VAV3: variants seen among roughly 807,000 people sequenced by gnomAD.
VAV3 encodes the protein vav guanine nucleotide exchange factor 3, also known as guanine nucleotide exchange factor VAV3.
Under a neutral mutation model 131.2 loss-of-function variants are expected in VAV3, and 94 were observed. The ratio of observed to expected loss-of-function variants is 0.72; its 90% CI spans 0.61 to 0.85. The LOEUF (loss-of-function observed/expected upper bound fraction) is 0.85, where lower values mean the gene tolerates loss of function less well. Ranked by LOEUF, VAV3 falls within the 40% of genes least tolerant of loss-of-function variation. The probability of loss-of-function intolerance (pLI) is 0.00; values close to 1 mark genes in which losing one functional copy is unlikely to be tolerated. For missense variants in VAV3, 939 were observed against 1,002.7 expected (o/e 0.94, Z 0.86); for synonymous variants, 349 against 342.0 (o/e 1.02, Z -0.22).
chr1:107,937,112 A>G (rs532853220), intron 1 of VAV3, among the ~76,000 whole-genome samples: 5 of 152,308 alleles, frequency 3.3e-5, no homozygotes, highest in African/African-American at 1.2e-4. Flanking sequence ...AAACAGCTCC[A>G]TCATTCACAC....
chr1:107,717,153 A>G (rs6662886), intron 15 of VAV3, among the ~76,000 whole-genome samples: 15,878 of 151,908 alleles, frequency 0.1, 977 homozygotes, highest in East Asian at 0.25. Context: ...TCTTGCTAGC[A>G]GTCTATCTAT....
At chr1:107,798,700 C>G (rs1465934572) in intron 2 of VAV3, among the ~76,000 whole-genome samples, 1 of 95,478 alleles carries the variant, frequency 1.0e-5, no homozygotes, top group African/African-American at 4.2e-5. Context: ...GCCTGGGCAA[C>G]ATAGCAAGAC....
intron 15 of VAV3, among the ~76,000 whole-genome samples, chr1:107,720,441 T>C (rs7515601): frequency 0.25 from 27,382 of 108,898 alleles, 2,937 homozygotes; most frequent in East Asian, 0.41. Context: ...AAGTTCCATC[T>C]GTTAATATTG....
chr1:107,643,102 T>C (rs1002294943), intron 19 of VAV3, among the ~76,000 whole-genome samples: 2 of 152,180 alleles, frequency 1.3e-5, no homozygotes, highest in African/African-American at 4.8e-5. Flanking sequence ...TCATCAACTC[T>C]ATCCTTTCTG....
In VAV3 at chr1:107,641,654, G is replaced by A. The variant is rs1655348389; in HGVS notation, c.1914+965C>T. Among the ~76,000 whole-genome samples, 4 of 152,134 alleles carry A rather than the reference G, an allele frequency of 2.6e-5. No individual in the cohort carries two copies. In the South Asian group the frequency reaches 6.2e-4, roughly 24 times the overall value. Reference sequence around the variant, plus strand: ...ATAGATTTTATGAATAATGCCCAGAGCACCTCTGAGAACTCCAGGTATTAC... The same window carrying A: ...ATAGATTTTATGAATAATGCCCAGAACACCTCTGAGAACTCCAGGTATTAC... On this transcript the variant is annotated intron_variant, in intron 20 of 26. Transcript: ENST00000370056.
chr1:107,691,518 T>G (rs1232712584), intron 17 of VAV3, among the ~76,000 whole-genome samples: 2 of 152,196 alleles, frequency 1.3e-5, no homozygotes, highest in African/African-American at 4.8e-5. Flanking sequence ...GGCTGCTGGT[T>G]GAGATGGGAT....
intron 25 of VAV3, among the ~76,000 whole-genome samples, chr1:107,577,082 T>C (rs1212653933): frequency 6.6e-6 from 1 of 152,260 alleles, no homozygotes; most frequent in Non-Finnish European, 1.5e-5. Flanking sequence ...CTATGGATGC[T>C]CTAAAACTTT....
intron 1 of VAV3, among the ~76,000 whole-genome samples, chr1:107,960,960 T>C (rs1164418481): frequency 6.6e-6 from 1 of 151,290 alleles, no homozygotes; most frequent in Non-Finnish European, 1.5e-5. Flanking sequence ...AATATAAATA[T>C]ATAAATAAAT....
At chr1:107,661,111 CT>C (rs779124099) in intron 19 of VAV3, among the ~76,000 whole-genome samples, 40 of 152,086 alleles carry the variant, frequency 2.6e-4, no homozygotes, top group Non-Finnish European at 5.4e-4. Context: ...ATTATGAGAA[CT>C]TTTTTCCTTA....
At chr1:107,658,310 G>A (rs984652230) in intron 19 of VAV3, among the ~76,000 whole-genome samples, 4 of 152,072 alleles carry the variant, frequency 2.6e-5, no homozygotes, top group Admixed American at 6.5e-5. Flanking sequence ...AGTATTCCAC[G>A]GTGTATATGT....
At chr1:107,765,315 C>T (rs956202089) in intron 8 of VAV3, 140 bp from the exon 9 acceptor site, 21 of 668,276 alleles carry the variant, frequency 3.1e-5, no homozygotes, top group Non-Finnish European at 5.6e-5. Context: ...TTAATACATA[C>T]CACATACACA....
At chr1:107,942,580 TC>T (rs572630702) in intron 1 of VAV3, among the ~76,000 whole-genome samples, 111 of 152,296 alleles carry the variant, frequency 7.3e-4, no homozygotes, top group Non-Finnish European at 1.3e-3. Context: ...ATCTCATTTC[TC>T]CCTTCATACC....
chr1:107,586,011 C>CCAG (rs1313456864), intron 25 of VAV3, among the ~76,000 whole-genome samples: 3 of 152,108 alleles, frequency 2.0e-5, no homozygotes, highest in Admixed American at 6.6e-5. Context: ...AAGTGATGAA[C>CCAG]CAGCTTTCTG....
chr1:107,798,016 C>G (rs992224507), intron 2 of VAV3, among the ~76,000 whole-genome samples: 1 of 152,132 alleles, frequency 6.6e-6, no homozygotes, highest in Non-Finnish European at 1.5e-5. Flanking sequence ...TAACACAAGA[C>G]CATAGTTTCA....
chr1:107,833,765 C>A (rs1668361054), intron 2 of VAV3, among the ~76,000 whole-genome samples: 1 of 152,170 alleles, frequency 6.6e-6, no homozygotes, highest in Admixed American at 6.5e-5. Context: ...TATTGTGAAG[C>A]TAGCAAAGGT....
chr1:107,851,657 G>A (rs981970089), intron 2 of VAV3, among the ~76,000 whole-genome samples: 2 of 152,102 alleles, frequency 1.3e-5, no homozygotes, highest in African/African-American at 2.4e-5. Context: ...TCCCCAAAGG[G>A]AACAGGCTCT....
chr1:107,776,775 T>C (rs1396425225), intron 4 of VAV3, among the ~76,000 whole-genome samples: 1 of 152,228 alleles, frequency 6.6e-6, no homozygotes, highest in East Asian at 1.9e-4. Flanking sequence ...TTTGCCTCTC[T>C]TGACTATTAA....
intron 1 of VAV3, among the ~76,000 whole-genome samples, chr1:107,918,694 T>A (rs1212856164): frequency 1.3e-5 from 1 of 78,280 alleles, no homozygotes; most frequent in African/African-American, 3.3e-5. Context: ...GGCATATATA[T>A]ATATATATAT....
Position 107,674,267 on chromosome 1 carries a change from G to A in VAV3, c.1777+9221C>T, listed in dbSNP as rs926411728. Among the ~76,000 whole-genome samples the A allele has an allele frequency of 1.4e-4, 21 of 152,254 alleles. 1 individual carries two copies. The highest frequency in any genetic ancestry group is 4.1e-4 in the South Asian group (2 of 4,826). ...TTCTGCTGGGTGTCATACACATGGC[G>A]TGTTTCAGTGCCAGTGTCTACAGTT... On this transcript the variant is annotated intron_variant, in intron 19 of 26. Coordinates refer to ENST00000370056, the MANE Select transcript of VAV3 (RefSeq NM_006113.5).
Sources: allele counts gnomAD v4.1 joint callset (sites outside exome capture counted in the v4.1 genomes callset), GRCh38; gene constraint gnomAD v4.1.1; transcripts MANE v1.5; gene names NCBI Gene and HGNC (gene_info 2026-07-23, HGNC 2026-07-21).